PPM1H: variants seen among roughly 807,000 people sequenced by gnomAD.
PPM1H encodes the protein protein phosphatase, Mg2+/Mn2+ dependent 1H.
A neutral mutation model predicts 54.9 loss-of-function variants in PPM1H; 27 were observed. The ratio of observed to expected loss-of-function variants is 0.49; its 90% CI spans 0.36 to 0.68. PPM1H has a LOEUF of 0.68. Among genes scored for constraint, PPM1H ranks in the 30% least tolerant of loss-of-function variants. The pLI is 0.00. For missense variants in PPM1H, 596 were observed against 667.8 expected, an observed-to-expected ratio of 0.89 and a Z score of 1.19; for synonymous variants, 305 against 270.8, an observed-to-expected ratio of 1.13 and a Z score of -1.24.
intron 1 of PPM1H, among the ~76,000 whole-genome samples, chr12:62,893,833 A>T (rs941752818): frequency 6.6e-6 from 1 of 152,142 alleles, no homozygotes; most frequent in African/African-American, 2.4e-5. Flanking sequence ...CTCCAAATAT[A>T]GTCACATTCT....
At chr12:62,904,118 C>T (rs914457041) in intron 1 of PPM1H, among the ~76,000 whole-genome samples, 12 of 151,726 alleles carry the variant, frequency 7.9e-5, no homozygotes, top group South Asian at 2.1e-4. Flanking sequence ...TGTAGGGAAC[C>T]GAGATACCAT....
rs2075796049 is a variant in PPM1H at position 62,648,050 on chromosome 12, C to T, written c.*439G>A. On this transcript the variant is annotated 3_prime_UTR_variant, in exon 10 of 10. Coordinates refer to ENST00000228705, the MANE Select transcript of PPM1H (RefSeq NM_020700.2). Reference sequence around the variant, plus strand: ...AGGCTTCCTAGAAGGTGGGCACTTACTTACATTTTGAGGCATGACCCCCTA... The same window carrying T: ...AGGCTTCCTAGAAGGTGGGCACTTATTTACATTTTGAGGCATGACCCCCTA... The T allele has an allele frequency of 6.5e-6, 1 of 153,182 alleles. No individual in the cohort carries two copies. Among genetic ancestry groups the T allele is most frequent in the Admixed American group, 6.5e-5 (1 of 15,440 alleles). The allele number at this position is 153,182 out of a possible 1,614,324, so 9.5% of individuals were successfully genotyped here.
intron 1 of PPM1H, among the ~76,000 whole-genome samples, chr12:62,931,252 C>T (rs1456834643): frequency 1.3e-5 from 2 of 152,174 alleles, no homozygotes; most frequent in African/African-American, 2.4e-5. Context: ...CAGGCATTAG[C>T]TCCTTAGTAC....
chr12:62,927,528 G>C (rs566722924), intron 1 of PPM1H, among the ~76,000 whole-genome samples: 1 of 151,968 alleles, frequency 6.6e-6, no homozygotes, highest in South Asian at 2.1e-4. Context: ...TGGGTGTGGT[G>C]GTGGGCGCCT....
chr12:62,766,764 A>C (rs1347064154), intron 4 of PPM1H, among the ~76,000 whole-genome samples: 1 of 152,218 alleles, frequency 6.6e-6, no homozygotes, highest in Non-Finnish European at 1.5e-5. Context: ...CACATGGCAT[A>C]AGCAAGCCAT....
intron 2 of PPM1H, among the ~76,000 whole-genome samples, chr12:62,824,959 C>G (rs1868271214): frequency 6.6e-6 from 1 of 151,968 alleles, no homozygotes; most frequent in Non-Finnish European, 1.5e-5. Context: ...TCAGAGTGAA[C>G]AGACAACCTA....
At chr12:62,834,956 A>T (rs1461615559) in intron 1 of PPM1H, among the ~76,000 whole-genome samples, 1 of 152,130 alleles carries the variant, frequency 6.6e-6, no homozygotes, top group Non-Finnish European at 1.5e-5. Flanking sequence ...GTGGGGGTTC[A>T]GCTGGGAAAA....
intron 8 of PPM1H, among the ~76,000 whole-genome samples, chr12:62,687,162 G>A (rs186072358): frequency 4.6e-5 from 7 of 152,346 alleles, no homozygotes; most frequent in South Asian, 2.1e-4. Flanking sequence ...AGAGCTTTCC[G>A]CTGTGGAGGC....
intron 6 of PPM1H, among the ~76,000 whole-genome samples, chr12:62,714,762 A>G (rs1343974518): frequency 1.3e-5 from 2 of 152,234 alleles, no homozygotes; most frequent in Admixed American, 6.5e-5. Flanking sequence ...AAATGAGACC[A>G]TCATAACGTT....
intron 4 of PPM1H, among the ~76,000 whole-genome samples, chr12:62,749,384 T>G (rs2076428960): frequency 6.6e-6 from 1 of 152,208 alleles, no homozygotes; most frequent in South Asian, 2.1e-4. Flanking sequence ...TGACAGTGTA[T>G]ATCAATTTCA....
At chr12:62,682,563 G>A (rs1000424129) in intron 8 of PPM1H, among the ~76,000 whole-genome samples, 15 of 152,340 alleles carry the variant, frequency 9.8e-5, no homozygotes, top group Middle Eastern at 3.4e-3. Context: ...GAGCAGTGGT[G>A]TGATCATAGC....
chr12:62,874,015 A>G (rs1449491277), intron 1 of PPM1H, among the ~76,000 whole-genome samples: 1 of 152,188 alleles, frequency 6.6e-6, no homozygotes, highest in Non-Finnish European at 1.5e-5. Flanking sequence ...GGCAAAAAAA[A>G]TCACTTGGCA....
intron 4 of PPM1H, among the ~76,000 whole-genome samples, chr12:62,745,408 G>A (rs17677566): frequency 0.077 from 11,701 of 152,108 alleles, 508 homozygotes; most frequent in East Asian, 0.18. Flanking sequence ...TACAGGAAAC[G>A]TATGCTCCTT....
chr12:62,902,413 A>C (rs150734440), intron 1 of PPM1H, among the ~76,000 whole-genome samples: 12 of 152,098 alleles, frequency 7.9e-5, no homozygotes, highest in Non-Finnish European at 1.5e-4. Context: ...GCTTTTTAAA[A>C]AAATTTAGGA....
At chr12:62,799,011 G>A (rs907811036) in intron 3 of PPM1H, among the ~76,000 whole-genome samples, 8 of 151,954 alleles carry the variant, frequency 5.3e-5, no homozygotes, top group African/African-American at 1.2e-4. Flanking sequence ...TTGCCTAATC[G>A]GCTCAATATT....
intron 2 of PPM1H, among the ~76,000 whole-genome samples, chr12:62,811,683 T>C (rs1215203510): frequency 6.6e-6 from 1 of 152,160 alleles, no homozygotes; most frequent in Non-Finnish European, 1.5e-5. Context: ...TCTCACAAGA[T>C]ATGATGGTTT....
intron 4 of PPM1H, among the ~76,000 whole-genome samples, chr12:62,784,158 T>C (rs903833654): frequency 6.6e-6 from 1 of 152,198 alleles, no homozygotes; most frequent in Non-Finnish European, 1.5e-5. Context: ...AGTTACTGCA[T>C]GTGCCTCTGT....
chr12:62,913,401 T>C (rs1179602551), intron 1 of PPM1H, among the ~76,000 whole-genome samples: 1 of 152,156 alleles, frequency 6.6e-6, no homozygotes, highest in Non-Finnish European at 1.5e-5. Flanking sequence ...GTGAGCGTTT[T>C]CCTAAGTAGC....
At chr12:62,822,356 TAAC>T (rs1345183132) in intron 2 of PPM1H, among the ~76,000 whole-genome samples, 4 of 152,140 alleles carry the variant, frequency 2.6e-5, no homozygotes, top group African/African-American at 9.7e-5. Flanking sequence ...GACAGAAGGT[TAAC>T]AACGATATCC....
Sources: gnomAD v4.1 joint callset for allele counts (sites outside exome capture counted in the v4.1 genomes callset) on GRCh38, gnomAD v4.1.1 for gene constraint, MANE v1.5 for transcripts, NCBI Gene and HGNC (gene_info 2026-07-23, HGNC 2026-07-21) for gene names.